MARCHF1: variants seen among roughly 807,000 people sequenced by gnomAD.
The protein encoded by MARCHF1 is membrane associated ring-CH-type finger 1.
Under a neutral mutation model 54.2 loss-of-function variants are expected in MARCHF1, and 40 were observed. That is an observed-to-expected ratio of 0.74 (90% CI 0.57 to 0.96). The LOEUF is 0.96. MARCHF1 is among the 40% of genes least tolerant of loss of function. The pLI is 0.00. For missense variants in MARCHF1, 586 were observed against 656.5 expected (o/e 0.89, Z 1.17); for synonymous variants, 236 against 236.3 (o/e 1.00, Z 0.01).
At chr4:163,743,793 A>C (rs893093064) in intron 4 of MARCHF1, among the ~76,000 whole-genome samples, 1 of 152,082 alleles carries the variant, frequency 6.6e-6, no homozygotes, top group African/African-American at 2.4e-5. Context: ...GTTAGCTAGG[A>C]GATACACCAT....
At chr4:164,096,209 A>G (rs890041895) in intron 2 of MARCHF1, among the ~76,000 whole-genome samples, 1 of 152,212 alleles carries the variant, frequency 6.6e-6, no homozygotes, top group African/African-American at 2.4e-5. Context: ...TATGTGGTAC[A>G]TATATATTAT....
chr4:164,010,423 T>A (rs574150579), intron 2 of MARCHF1, among the ~76,000 whole-genome samples: 1 of 152,040 alleles, frequency 6.6e-6, no homozygotes, highest in South Asian at 2.1e-4. Flanking sequence ...AATAAACAAA[T>A]TCAGTAAAGT....
intron 4 of MARCHF1, among the ~76,000 whole-genome samples, chr4:163,795,316 G>A (rs7683846): frequency 0.8 from 121,381 of 151,852 alleles, 50,293 homozygotes; most frequent in East Asian, 0.94. Context: ...TGCAACCTCT[G>A]CCTCCCGGGT....
At chr4:163,940,551 T>TCAC (rs1751892645) in intron 3 of MARCHF1, among the ~76,000 whole-genome samples, 1 of 152,020 alleles carries the variant, frequency 6.6e-6, no homozygotes, top group Non-Finnish European at 1.5e-5. Context: ...ATGTCCACCA[T>TCAC]TGGATCTTTG....
intron 5 of MARCHF1, among the ~76,000 whole-genome samples, chr4:163,651,451 C>T (rs1448987751): frequency 6.6e-6 from 1 of 151,592 alleles, no homozygotes; most frequent in East Asian, 1.9e-4. Context: ...AGTTTTCCTA[C>T]TGCCACCTTA....
chr4:164,276,725 A>G (rs1733891185), intron 1 of MARCHF1, among the ~76,000 whole-genome samples: 1 of 150,788 alleles, frequency 6.6e-6, no homozygotes, highest in Non-Finnish European at 1.5e-5. Context: ...AAAATTTTAG[A>G]TAAATATCAA....
chr4:164,092,854 T>C (rs2111136645), intron 2 of MARCHF1, among the ~76,000 whole-genome samples: 1 of 152,248 alleles, frequency 6.6e-6, no homozygotes, highest in South Asian at 2.1e-4. Context: ...CAGAAAAGAT[T>C]ATGTCTAGAA....
chr4:163,852,760 TA>T (rs1749675679), intron 4 of MARCHF1, among the ~76,000 whole-genome samples: 1 of 152,180 alleles, frequency 6.6e-6, no homozygotes, highest in Non-Finnish European at 1.5e-5. Context: ...ATCAACTCAC[TA>T]AGGTTAATTC....
At chr4:163,815,572 C>G (rs978986292) in intron 4 of MARCHF1, among the ~76,000 whole-genome samples, 1 of 152,092 alleles carries the variant, frequency 6.6e-6, no homozygotes, top group African/African-American at 2.4e-5. Flanking sequence ...GCTAGGATTC[C>G]AACCCTGATA....
chr4:164,111,066 A>G lies in MARCHF1; in HGVS notation c.-248+522T>C, dbSNP rs562029870. ...ATCTAAATCATATAGAGCAAAATAA[A>G]TGTTATATCCTAATATATCAAACTC... On this transcript the variant is annotated intron_variant, in intron 2 of 9. Transcript: ENST00000514618. 5.3e-5 allele frequency among the ~76,000 whole-genome samples: 8 copies of G among 151,982 alleles called. No individual in the cohort carries two copies. The East Asian group carries it at 1.5e-3, about 29-fold the overall frequency.
At chr4:163,726,866 T>A (rs141881369) in intron 4 of MARCHF1, among the ~76,000 whole-genome samples, 67 of 152,374 alleles carry the variant, frequency 4.4e-4, no homozygotes, top group African/African-American at 1.5e-3. Context: ...TCTCTTCATA[T>A]GCTTATTTGC....
chr4:163,845,187 T>C (rs967146369), intron 4 of MARCHF1, among the ~76,000 whole-genome samples: 1 of 152,162 alleles, frequency 6.6e-6, no homozygotes, highest in Non-Finnish European at 1.5e-5. Context: ...CCTTGATATA[T>C]ACATTTCTTT....
intron 2 of MARCHF1, among the ~76,000 whole-genome samples, chr4:164,073,124 C>G (rs924673252): frequency 6.6e-6 from 1 of 152,126 alleles, no homozygotes; most frequent in Non-Finnish European, 1.5e-5. Flanking sequence ...AGTACAGTGA[C>G]TTGTACAGAC....
intron 2 of MARCHF1, among the ~76,000 whole-genome samples, chr4:164,078,327 A>G (rs966116502): frequency 1.3e-5 from 2 of 152,172 alleles, no homozygotes; most frequent in Non-Finnish European, 2.9e-5. Flanking sequence ...GAGCTGAACA[A>G]TGAGAACACA....
chr4:163,766,458 T>C (rs963725723), intron 4 of MARCHF1, among the ~76,000 whole-genome samples: 2 of 152,212 alleles, frequency 1.3e-5, no homozygotes, highest in Admixed American at 6.5e-5. Flanking sequence ...TGGCTGAATA[T>C]GGCTATTGAA....
intron 1 of MARCHF1, among the ~76,000 whole-genome samples, chr4:164,152,584 G>A (rs1729970553): frequency 6.6e-6 from 1 of 152,054 alleles, no homozygotes; most frequent in Non-Finnish European, 1.5e-5. Context: ...TCTCTTGGGG[G>A]AAAAGTCCAT....
At chr4:163,819,613 A>G (rs1748636511) in intron 4 of MARCHF1, among the ~76,000 whole-genome samples, 1 of 152,086 alleles carries the variant, frequency 6.6e-6, no homozygotes, top group African/African-American at 2.4e-5. Context: ...CTACCTCTCC[A>G]AATCCCTCTC....
intron 1 of MARCHF1, among the ~76,000 whole-genome samples, chr4:164,126,958 G>A (rs894119072): frequency 2.8e-4 from 43 of 152,132 alleles, no homozygotes; most frequent in African/African-American, 1.0e-3. Context: ...GGAGGCTGAG[G>A]TGGGAGAATC....
intron 4 of MARCHF1, among the ~76,000 whole-genome samples, chr4:163,833,680 T>C (rs1579324328): frequency 6.6e-6 from 1 of 152,208 alleles, no homozygotes; most frequent in South Asian, 2.1e-4. Context: ...TTATTGTTTT[T>C]GCCCCAGAGT....
Sources: allele counts gnomAD v4.1 joint callset (sites outside exome capture counted in the v4.1 genomes callset), GRCh38; gene constraint gnomAD v4.1.1; transcripts MANE v1.5; gene names NCBI Gene and HGNC (gene_info 2026-07-23, HGNC 2026-07-21).